Variants in EEA1 observed in about 807,000 individuals in gnomAD.
EEA1 encodes early endosome antigen 1, 162kD.
Under a neutral mutation model 209.2 loss-of-function variants are expected in EEA1, and 111 were observed. The observed-to-expected ratio is 0.53, with a 90% CI of 0.45 to 0.62. The LOEUF (loss-of-function observed/expected upper bound fraction) is 0.62, where lower values mean the gene tolerates loss of function less well. EEA1 is among the 20% of genes least tolerant of loss of function. The pLI is 0.00. For synonymous variants in EEA1, 536 were observed against 540.6 expected (o/e 0.99, Z 0.12); for missense variants, 1,343 against 1,530.8 (o/e 0.88, Z 2.05).
chr12:92,928,009 G>A (rs762796551), intron 1 of EEA1, among the ~76,000 whole-genome samples: 1 of 152,062 alleles, frequency 6.6e-6, no homozygotes, highest in Non-Finnish European at 1.5e-5. Context: ...CACATTCCTC[G>A]GCTGAATCCT....
At chr12:92,790,288 G>A (rs946956862) in intron 21 of EEA1, among the ~76,000 whole-genome samples, 6 of 152,192 alleles carry the variant, frequency 3.9e-5, no homozygotes, top group African/African-American at 4.8e-5. Flanking sequence ...TAACTTTGAC[G>A]AGTTGACAGA....
At chr12:92,889,340 C>T (rs1229259274) in intron 2 of EEA1, among the ~76,000 whole-genome samples, 1 of 151,422 alleles carries the variant, frequency 6.6e-6, no homozygotes, top group African/African-American at 2.4e-5. Flanking sequence ...TGTGGTATTA[C>T]AGAAGCACAG....
chr12:92,928,217 G>A (rs1881283617), intron 1 of EEA1, among the ~76,000 whole-genome samples: 2 of 151,450 alleles, frequency 1.3e-5, no homozygotes, highest in Non-Finnish European at 1.5e-5. Context: ...CAGGAAAAGA[G>A]ATGTGAATTA....
At chr12:92,844,355 A>G (rs1877303972) in intron 9 of EEA1, among the ~76,000 whole-genome samples, 1 of 152,168 alleles carries the variant, frequency 6.6e-6, no homozygotes, top group African/African-American at 2.4e-5. Context: ...ACATTCACTT[A>G]AAAGTACAAA....
rs1873616242 is a variant in EEA1, at chr12:92,775,396, A to C, written c.*615T>G. Reference sequence around the variant, plus strand: ...AAATTTAATTAATATTGTTAAAACAAAAACCATTTTTGAATTCATATTACT... The same window carrying C: ...AAATTTAATTAATATTGTTAAAACACAAACCATTTTTGAATTCATATTACT... On this transcript the variant is annotated 3_prime_UTR_variant, in exon 29 of 29. Transcript: ENST00000322349. 6.6e-6 allele frequency: 1 copy of C among 151,862 alleles called. No individual in the cohort carries two copies. The highest frequency in any genetic ancestry group is 2.1e-4 in the South Asian group (1 of 4,830). 9.4% of individuals were successfully genotyped at this position (151,862 alleles called of 1,614,324 possible). A position where few individuals can be genotyped will look rare whatever the true frequency, so the allele number is the denominator to read the frequency against.
In EEA1 at chr12:92,802,724, T is replaced by C. The variant is rs1874987197; in HGVS notation, c.2350A>G (p.Thr784Ala). The change falls in exon 19 of 29, where the codon ACA becomes GCA. Residue 784 changes from threonine to alanine, a missense_variant. Thr to Ala is a moderately conservative substitution (Grantham distance 58). Around this residue, in one of 3 missense-constraint regions of EEA1, gnomAD observed 1,307 missense variants for 1,465.5 expected, o/e 0.89. Transcript: ENST00000322349. ...LEMEKEIVSSTRLDLQKKSEA... is the reference protein window; with the variant it reads ...LEMEKEIVSSARLDLQKKSEA... ...GATTTTTTCTGTAGATCCAATCTTG[T>C]ACTGGATACTCTAAATATTTAAAAA... is the stretch of plus-strand genomic sequence containing the variant. 1 of 1,573,738 alleles carries C rather than the reference T, an allele frequency of 6.4e-7. No homozygotes were observed. The highest frequency in any genetic ancestry group is 1.4e-5 in the African/African-American group (1 of 72,420).
chr12:92,829,600 G>A (rs1452106596), intron 11 of EEA1, among the ~76,000 whole-genome samples: 2 of 151,842 alleles, frequency 1.3e-5, no homozygotes, highest in Non-Finnish European at 2.9e-5. Flanking sequence ...GCAACATGGT[G>A]AAACCCCATA....
intron 1 of EEA1, among the ~76,000 whole-genome samples, chr12:92,896,180 GC>G (rs1879874102): frequency 6.6e-6 from 1 of 152,032 alleles, no homozygotes; most frequent in African/African-American, 2.4e-5. Context: ...CACCATGTTG[GC>G]CAGGATGGTC....
At chr12:92,857,780 A>G (rs933995831) in intron 3 of EEA1, among the ~76,000 whole-genome samples, 4 of 152,250 alleles carry the variant, frequency 2.6e-5, no homozygotes, top group Non-Finnish European at 5.9e-5. Flanking sequence ...TTTACTAACA[A>G]TAAGCATCAA....
At chr12:92,835,755 A>G (rs969457423) in intron 10 of EEA1, among the ~76,000 whole-genome samples, 1 of 152,098 alleles carries the variant, frequency 6.6e-6, no homozygotes, top group African/African-American at 2.4e-5. Context: ...GGTAACAACT[A>G]GGGACTGTTT....
At chr12:92,856,767 C>CTTTTTTTTTTTT (rs57579359) in intron 5 of EEA1, among the ~76,000 whole-genome samples, 1 of 86,674 alleles carries the variant, frequency 1.2e-5, no homozygotes, top group African/African-American at 4.5e-5. Context: ...ATACCTGATT[C>CTTTTTTTTTTTT]TTTTTTTTTT....
At chr12:92,786,720 C>A (rs1874150369) in intron 22 of EEA1, among the ~76,000 whole-genome samples, 2 of 152,142 alleles carry the variant, frequency 1.3e-5, no homozygotes. Context: ...CAGGTCCAAT[C>A]CAAGCTGTCT....
At chr12:92,827,804 T>G in intron 12 of EEA1, 108 bp downstream of exon 12, 1 of 1,190,556 alleles carries the variant, frequency 8.4e-7, no homozygotes, top group South Asian at 2.3e-5. Flanking sequence ...AGCAATAAAT[T>G]TGCACTTTAA....
At chr12:92,842,634 T>C (rs1877218463) in intron 9 of EEA1, 53 bp from the exon 10 acceptor site, 3 of 1,074,630 alleles carry the variant, frequency 2.8e-6, no homozygotes, top group Non-Finnish European at 4.1e-6. Context: ...GTCTAAAAGA[T>C]AAAAAAAATG....
chr12:92,778,792 T>C (rs1873772507), intron 25 of EEA1, among the ~76,000 whole-genome samples: 1 of 152,074 alleles, frequency 6.6e-6, no homozygotes, highest in African/African-American at 2.4e-5. Flanking sequence ...ACCCAACAAA[T>C]GGGTTTAACA....
intron 1 of EEA1, among the ~76,000 whole-genome samples, chr12:92,909,296 C>T (rs1880495057): frequency 6.6e-6 from 1 of 152,126 alleles, no homozygotes; most frequent in Non-Finnish European, 1.5e-5. Context: ...AAATCTGAAA[C>T]ATATTATTGT....
rs182310215 is a variant in EEA1 at position 92,876,124 on chromosome 12, T to G, written c.118-11137A>C. Among the ~76,000 whole-genome samples the G allele has an allele frequency of 3.3e-5, 5 of 152,328 alleles. No individual in the cohort carries two copies. In the East Asian group the frequency reaches 7.7e-4, roughly 23 times the overall value. Reference sequence around the variant, plus strand: ...TCTCACTCTATCATCCCAGCTGGAATGCAGTGGCAGAATCATGATTAACTT... The same window carrying G: ...TCTCACTCTATCATCCCAGCTGGAAGGCAGTGGCAGAATCATGATTAACTT... On this transcript the variant is annotated intron_variant, in intron 2 of 28. Coordinates refer to ENST00000322349, the MANE Select transcript of EEA1 (RefSeq NM_003566.4).
chr12:92,882,751 T>G (rs891963584), intron 2 of EEA1, among the ~76,000 whole-genome samples: 1 of 152,214 alleles, frequency 6.6e-6, no homozygotes, highest in Non-Finnish European at 1.5e-5. Flanking sequence ...GAATATGATT[T>G]TGTTATTTTT....
rs1461776895 is a variant in EEA1 at position 92,929,283 on chromosome 12, T to G, written c.-217A>C. On this transcript the variant is annotated 5_prime_UTR_variant, in exon 1 of 29. Transcript: ENST00000322349. The stretch of plus-strand genomic sequence containing the variant: ...AGAGCGAGCGAACGACTAGGCAGCC[T>G]GCGAGCGCCTCCAGCCCGCCCGCCG... The G allele has an allele frequency of 6.9e-6, 2 of 288,124 alleles. No individual in the cohort carries two copies. Among genetic ancestry groups the G allele is most frequent in the Non-Finnish European group, 1.3e-5 (2 of 155,186 alleles). The allele number at this position is 288,124 out of a possible 1,614,324, so 17.8% of individuals were successfully genotyped here.
Sources: allele counts gnomAD v4.1 joint callset (sites outside exome capture counted in the v4.1 genomes callset), GRCh38; gene constraint gnomAD v4.1.1; regional missense constraint gnomAD v4.1.1; transcripts MANE v1.5; gene names NCBI Gene and HGNC (gene_info 2026-07-23, HGNC 2026-07-21).